Variants in SEMA7A observed in about 807,000 individuals in gnomAD.
The protein encoded by SEMA7A is semaphorin-7A.
Under a neutral mutation model 67.5 loss-of-function variants are expected in SEMA7A, and 21 were observed. The observed-to-expected ratio is 0.31, with a 90% CI of 0.22 to 0.45. The LOEUF (loss-of-function observed/expected upper bound fraction) is 0.45. SEMA7A is among the 20% of genes least tolerant of loss of function. The pLI is 1.00. For missense variants in SEMA7A, 774 were observed against 908.6 expected, an observed-to-expected ratio of 0.85 and a Z score of 1.90; for synonymous variants, 364 against 368.5, an observed-to-expected ratio of 0.99 and a Z score of 0.14.
chr15:74,432,157 T>C (rs1414278345), intron 1 of SEMA7A, among the ~76,000 whole-genome samples: 1 of 151,822 alleles, frequency 6.6e-6, no homozygotes, highest in Non-Finnish European at 1.5e-5. Context: ...TGCAAGGGGT[T>C]TGATGGAGGG....
At chr15:74,433,453 CCTGGCG>C (rs1425969990) in intron 1 of SEMA7A, 1 of 750,694 alleles carries the variant, frequency 1.3e-6, no homozygotes, top group African/African-American at 1.8e-5. Flanking sequence ...CGCCCCCTCC[CCTGGCG>C]CCCGGGCGTT....
At chr15:74,421,397 G>A (rs1330257550) in intron 1 of SEMA7A, among the ~76,000 whole-genome samples, 2 of 152,200 alleles carry the variant, frequency 1.3e-5, no homozygotes, top group Non-Finnish European at 2.9e-5. Context: ...ACAATCCCAT[G>A]CGGATCTGCA....
At chr15:74,417,221 T>A (rs1423955443) in intron 6 of SEMA7A, 114 bp downstream of exon 6, 2 of 815,920 alleles carry the variant, frequency 2.5e-6, no homozygotes, top group Non-Finnish European at 4.1e-6. Context: ...CCTGCTTTCC[T>A]GCATGGCCCC....
In SEMA7A at chr15:74,423,260, C is replaced by T. The variant is rs1032122671; in HGVS notation, c.179-4308G>A. Among the ~76,000 whole-genome samples, 3 of 152,200 alleles carry T rather than the reference C, an allele frequency of 2.0e-5. No individual in the cohort carries two copies. Among genetic ancestry groups the T allele is most frequent in the Non-Finnish European group, 2.9e-5 (2 of 68,034 alleles). On this transcript the variant is annotated intron_variant, in intron 1 of 13. Coordinates refer to ENST00000261918, the MANE Select transcript of SEMA7A (RefSeq NM_003612.5). The surrounding 1 kb of genome is among the most constrained non-coding windows in gnomAD (Gnocchi z 4.1). ...CCTACCTCACACCCTCGCCCAACTA[C>T]GTGTCTGGAAAAGAGAGTAGAGGGA...
At chr15:74,428,881 G>T (rs1370439877) in intron 1 of SEMA7A, among the ~76,000 whole-genome samples, 1 of 152,226 alleles carries the variant, frequency 6.6e-6, no homozygotes, top group African/African-American at 2.4e-5. Flanking sequence ...TCAAGGCCTG[G>T]CTGGCTAGGG....
intron 7 of SEMA7A, 66 bp downstream of exon 7, chr15:74,416,509 A>G: frequency 7.4e-6 from 11 of 1,492,518 alleles, no homozygotes; most frequent in Non-Finnish European, 9.3e-6. Flanking sequence ...GACACACAGA[A>G]CTCACCCTCA....
At position 74,410,439 on chromosome 15, in the gene SEMA7A, G is replaced by T; in HGVS notation, c.*185C>A. On this transcript the variant is annotated 3_prime_UTR_variant, in exon 14 of 14. Coordinates refer to ENST00000261918, the MANE Select transcript of SEMA7A (RefSeq NM_003612.5). This position sits in a 1 kb window ranked among gnomAD's most constrained non-coding sequence, Gnocchi z 7.5. ...TCATTCTCAGCCCCTCACCATCCGT[G>T]CGCCACCTGGGGCCCAGCAGCCGCC... The T allele has an allele frequency of 2.6e-6, 2 of 781,232 alleles. No homozygotes were observed. Among genetic ancestry groups the T allele is most frequent in the Non-Finnish European group, 2.0e-6 (1 of 506,318 alleles). The allele number at this position is 781,232 out of a possible 1,614,324, so 48.4% of individuals were successfully genotyped here.
In SEMA7A at chr15:74,411,952, T is replaced by C. The variant is rs1218109921; in HGVS notation, c.1355A>G (p.Asn452Ser). The C allele has an allele frequency of 1.9e-6, 3 of 1,613,924 alleles. No individual in the cohort carries two copies. The highest frequency in any genetic ancestry group is 2.5e-6 in the Non-Finnish European group (3 of 1,180,040). Residue 452 changes from asparagine to serine, a missense_variant, in exon 11 of 14, where the codon AAC becomes AGC. Asn to Ser is a conservative substitution (Grantham distance 46, BLOSUM62 1). Transcript: ENST00000261918. This position sits in a 1 kb window ranked among gnomAD's most constrained non-coding sequence, Gnocchi z 4.4. ...GCGGAAGGGCTGGATCTCCATGATG[T>C]TGAAGGCGAAGCTGTGCTCCTGCTC... ...PGEQEHSFAF[N>S]IMEIQPFRRA...
At chr15:74,418,461 T>A in intron 2 of SEMA7A, 152 bp from the exon 3 acceptor site, 1 of 782,768 alleles carries the variant, frequency 1.3e-6, no homozygotes, top group South Asian at 1.6e-5. Flanking sequence ...GTGAGTGATC[T>A]ACCTGAGGTC....
At position 74,417,628 on chromosome 15, in the gene SEMA7A, G is replaced by T; in HGVS notation, c.513C>A (p.Pro171=). The part of the protein sequence containing the change: ...VPLGEMRGYA[P]FSPDENSLVL... ...CCAGGGAGTTCTCGTCCGGGCTGAAGGGGGCGTAGCCTCTCATCTCGCCAA... is the reference window on the plus strand; with the variant it reads ...CCAGGGAGTTCTCGTCCGGGCTGAATGGGGCGTAGCCTCTCATCTCGCCAA... The change falls in exon 5 of 14, where the codon CCC becomes CCA. Residue 171 remains proline (P), a synonymous_variant. Transcript: ENST00000261918. 1 of 1,612,828 alleles carries T rather than the reference G, an allele frequency of 6.2e-7. No individual in the cohort carries two copies. The highest frequency in any genetic ancestry group is 8.5e-7 in the Non-Finnish European group (1 of 1,179,932).
Position 74,410,432 on chromosome 15 carries a change from C to T in SEMA7A, c.*192G>A. 1 of 706,750 alleles carries T rather than the reference C, an allele frequency of 1.4e-6. No homozygotes were observed. Among genetic ancestry groups the T allele is most frequent in the African/African-American group, 1.8e-5 (1 of 55,738 alleles). The allele number at this position is 706,750 out of a possible 1,614,324, so 43.8% of individuals were successfully genotyped here. ...GGTGCCCTCATTCTCAGCCCCTCAC[C>T]ATCCGTGCGCCACCTGGGGCCCAGC... On this transcript the variant is annotated 3_prime_UTR_variant, in exon 14 of 14. Transcript: ENST00000261918. This position sits in a 1 kb window ranked among gnomAD's most constrained non-coding sequence, Gnocchi z 7.5.
At chr15:74,424,867 G>A (rs759075894) in intron 1 of SEMA7A, among the ~76,000 whole-genome samples, 1 of 152,224 alleles carries the variant, frequency 6.6e-6, no homozygotes, top group Non-Finnish European at 1.5e-5. Context: ...GCCCCAGAGT[G>A]GGGCCGAAGT....
At chr15:74,418,061 G>T in intron 3 of SEMA7A, 92 bp from the exon 4 acceptor site, 1 of 1,433,422 alleles carries the variant, frequency 7.0e-7, no homozygotes, top group South Asian at 1.2e-5. Flanking sequence ...AGGGAAGAAG[G>T]TGTCAGAAGG....
At chr15:74,428,817 T>C (rs530296695) in intron 1 of SEMA7A, among the ~76,000 whole-genome samples, 11 of 152,008 alleles carry the variant, frequency 7.2e-5, no homozygotes, top group Non-Finnish European at 1.6e-4. Context: ...CCAGGGAGAA[T>C]AAAGGGCTTG....
chr15:74,428,771 G>A (rs1018837086), intron 1 of SEMA7A, among the ~76,000 whole-genome samples: 7 of 152,228 alleles, frequency 4.6e-5, no homozygotes, highest in African/African-American at 1.7e-4. Context: ...CCTCCGGGAG[G>A]CTGGGCACAG....
Position 74,411,871 on chromosome 15 carries a change from G to T in SEMA7A, c.1422+14C>A. On this transcript the variant is annotated intron_variant, in intron 11 of 13. Coordinates refer to ENST00000261918, the MANE Select transcript of SEMA7A (RefSeq NM_003612.5). The surrounding 1 kb of genome is among the most constrained non-coding windows in gnomAD (Gnocchi z 4.4). ...CACTGCATAGCCCATGGGACGCAGT[G>T]GGGGAAGGCTCACCCGCTCAGCATC... 1.2e-6 allele frequency: 2 copies of T among 1,613,426 alleles called. No homozygotes were observed. Among genetic ancestry groups the T allele is most frequent in the Non-Finnish European group, 1.7e-6 (2 of 1,179,928 alleles).
rs748561396 is a variant in SEMA7A at position 74,418,952 on chromosome 15, C to T, written c.179G>A (p.Gly60Asp). 1.9e-6 allele frequency: 3 copies of T among 1,612,716 alleles called. No homozygotes were observed. The highest frequency in any genetic ancestry group is 8.5e-7 in the Non-Finnish European group (1 of 1,179,834). Residue 60 changes from glycine (G) to aspartate (D), a missense_variant and splice_region_variant, in exon 2 of 14, where the codon GGC becomes GAC. By Grantham distance (94) the Gly-to-Asp change is moderately conservative. This residue lies in a region of SEMA7A where 347 missense variants were observed against 353.2 expected (regional missense o/e 0.98). Transcript: ENST00000261918. ...SGPRIFAVWK[G>D]HVGQDRVDFG... The stretch of plus-strand genomic sequence containing the variant: ...GTCCACCCGGTCCTGCCCTACATGG[C>T]CTGAGGAGGAGACAATTAGTAGAAA...
At chr15:74,433,466 C>G in intron 1 of SEMA7A, 1 of 861,540 alleles carries the variant, frequency 1.2e-6, no homozygotes, top group Non-Finnish European at 1.5e-6. Context: ...GGCGCCCGGG[C>G]GTTGCGGCTC....
At chr15:74,412,265 G>A (rs924598225) in intron 10 of SEMA7A, among the ~76,000 whole-genome samples, 1 of 152,190 alleles carries the variant, frequency 6.6e-6, no homozygotes, top group African/African-American at 2.4e-5. Flanking sequence ...ACATTCCCAA[G>A]GCTGCACGGG....
Sources: gnomAD v4.1 joint callset for allele counts (sites outside exome capture counted in the v4.1 genomes callset) on GRCh38, gnomAD v4.1.1 for gene constraint, gnomAD v4.1.1 regional missense constraint, Gnocchi (gnomAD v3.1) non-coding constraint, MANE v1.5 for transcripts, NCBI Gene and HGNC (gene_info 2026-07-23, HGNC 2026-07-21) for gene names.